Variants in PLCE1 observed in about 807,000 individuals in gnomAD.
PLCE1 encodes the protein 1-phosphatidylinositol 4,5-bisphosphate phosphodiesterase epsilon-1.
Under a neutral mutation model 242.8 loss-of-function variants are expected in PLCE1, and 119 were observed. The observed-to-expected ratio is 0.49, with a 90% CI of 0.42 to 0.57. PLCE1 has a LOEUF of 0.57. Ranked by LOEUF, PLCE1 falls within the 20% of genes least tolerant of loss-of-function variation. The probability of loss-of-function intolerance (pLI) is 0.00; values close to 1 mark genes in which losing one functional copy is unlikely to be tolerated. For missense variants in PLCE1, 2,441 were observed against 2,788.8 expected, an observed-to-expected ratio of 0.88 and a Z score of 2.81; for synonymous variants, 945 against 1,017.4, an observed-to-expected ratio of 0.93 and a Z score of 1.35.
chr10:94,270,317 T>C (rs2133123437), intron 17 of PLCE1, among the ~76,000 whole-genome samples, 169 bp from the exon 18 acceptor site: 1 of 152,338 alleles, frequency 6.6e-6, no homozygotes, highest in East Asian at 1.9e-4. Flanking sequence ...TTTAATGTCT[T>C]TCTACAAAAT....
intron 8 of PLCE1, among the ~76,000 whole-genome samples, chr10:94,250,052 T>C (rs1220278674): frequency 6.6e-6 from 1 of 151,830 alleles, no homozygotes; most frequent in Non-Finnish European, 1.5e-5. Flanking sequence ...TTAAGGAATC[T>C]ATTTTCTAAT....
At chr10:94,075,569 G>A (rs575243465) in intron 2 of PLCE1, among the ~76,000 whole-genome samples, 1 of 152,316 alleles carries the variant, frequency 6.6e-6, no homozygotes, top group South Asian at 2.1e-4. Flanking sequence ...GTGACATTGG[G>A]TGAAAGCATT....
At chr10:94,019,528 A>G (rs1187918627) in intron 1 of PLCE1, among the ~76,000 whole-genome samples, 1 of 152,180 alleles carries the variant, frequency 6.6e-6, no homozygotes, top group African/African-American at 2.4e-5. Context: ...TTGATTTTGC[A>G]TGTTTTAGAG....
intron 4 of PLCE1, among the ~76,000 whole-genome samples, chr10:94,219,639 T>C (rs1010796526): frequency 1.3e-5 from 2 of 152,114 alleles, no homozygotes; most frequent in South Asian, 2.1e-4. Context: ...GTAATCTGTA[T>C]AGATTAAGAT....
chr10:94,070,798 T>C (rs901979524), intron 2 of PLCE1, among the ~76,000 whole-genome samples: 3 of 152,194 alleles, frequency 2.0e-5, no homozygotes, highest in Non-Finnish European at 4.4e-5. Context: ...CTTCAAGCCA[T>C]GTCTCCCCAG....
chr10:94,173,650 GACGAATCA>G (rs2048047489), intron 4 of PLCE1, among the ~76,000 whole-genome samples: 1 of 152,140 alleles, frequency 6.6e-6, no homozygotes, highest in Admixed American at 6.5e-5. Context: ...GGGAATCAAA[GACGAATCA>G]GTGATTTCAC....
intron 2 of PLCE1, among the ~76,000 whole-genome samples, chr10:94,095,191 C>T (rs2045259025): frequency 6.6e-6 from 1 of 152,200 alleles, no homozygotes; most frequent in African/African-American, 2.4e-5. Flanking sequence ...CTGGGTCAGC[C>T]TCGGGACTCA....
intron 2 of PLCE1, among the ~76,000 whole-genome samples, chr10:94,038,127 T>C (rs1178893304): frequency 6.6e-6 from 1 of 152,142 alleles, no homozygotes; most frequent in Non-Finnish European, 1.5e-5. Flanking sequence ...GCCCTTTGAA[T>C]GACCTCTGAA....
chr10:94,107,663 C>T (rs1305002921), intron 2 of PLCE1: 1 of 151,742 alleles, frequency 6.6e-6, no homozygotes. Flanking sequence ...TACATTGCTG[C>T]TGGATTTCTA....
intron 1 of PLCE1, among the ~76,000 whole-genome samples, chr10:94,026,523 T>C (rs2061455576): frequency 6.6e-6 from 1 of 152,158 alleles, no homozygotes. Flanking sequence ...AGGTTATCTT[T>C]AGCCAACAGT....
chr10:94,088,975 C>T (rs1433469919), intron 2 of PLCE1: 1 of 1,111,490 alleles, frequency 9.0e-7, no homozygotes, highest in Non-Finnish European at 1.2e-6. Flanking sequence ...GCAGCCCTCC[C>T]TCGATTCTGG....
intron 3 of PLCE1, among the ~76,000 whole-genome samples, chr10:94,148,470 C>T (rs2047180524): frequency 6.6e-6 from 1 of 152,132 alleles, no homozygotes; most frequent in East Asian, 1.9e-4. Flanking sequence ...TTCTTCCATT[C>T]ACACCTGGCC....
chr10:94,302,110 T>C lies in PLCE1; in HGVS notation c.5459-2372T>C, dbSNP rs940927461. On this transcript the variant is annotated intron_variant, in intron 24 of 32. Coordinates refer to ENST00000371380, the MANE Select transcript of PLCE1 (RefSeq NM_016341.4). ...ATGATTTTTAAACTATAGCCCCAGA[T>C]GAAGTTCTGGGACCATGTCCAGGGG... 3.3e-5 allele frequency among the ~76,000 whole-genome samples: 5 copies of C among 152,202 alleles called. No homozygotes were observed. In the South Asian group the frequency reaches 6.2e-4, roughly 19 times the overall value.
chr10:94,277,378 T>G (rs2051996044), intron 19 of PLCE1, among the ~76,000 whole-genome samples: 1 of 152,148 alleles, frequency 6.6e-6, no homozygotes. Context: ...ATATCCGAGT[T>G]ACTTTTATTC....
chr10:94,256,945 G>C (rs2051122502), intron 11 of PLCE1, among the ~76,000 whole-genome samples: 1 of 152,202 alleles, frequency 6.6e-6, no homozygotes, highest in African/African-American at 2.4e-5. Flanking sequence ...GGTTCCTACA[G>C]ACAGTAGCTG....
At chr10:94,143,891 A>G (rs1164377167) in intron 3 of PLCE1, among the ~76,000 whole-genome samples, 1 of 152,254 alleles carries the variant, frequency 6.6e-6, no homozygotes, top group East Asian at 1.9e-4. Flanking sequence ...GAACAAATGT[A>G]TGCTCAAACA....
chr10:94,071,813 C>T (rs562913181), intron 2 of PLCE1, among the ~76,000 whole-genome samples: 2 of 152,092 alleles, frequency 1.3e-5, no homozygotes, highest in African/African-American at 2.4e-5. Context: ...TATTTCTTTC[C>T]CCCTCAGTGC....
chr10:94,179,521 T>TGTTTTTTGTTG (rs67919831), intron 4 of PLCE1, among the ~76,000 whole-genome samples: 2 of 84,720 alleles, frequency 2.4e-5, no homozygotes, highest in East Asian at 2.7e-4. Context: ...AGTTTTTTTT[T>TGTTTTTTGTTG]TTTTTTTTTG....
At chr10:94,005,553 G>C (rs1397823526) in intron 1 of PLCE1, among the ~76,000 whole-genome samples, 5 of 152,178 alleles carry the variant, frequency 3.3e-5, no homozygotes, top group African/African-American at 7.2e-5. Context: ...TTCCACCTCT[G>C]TGAGTGCAGT....
Sources: gnomAD v4.1 joint callset for allele counts (sites outside exome capture counted in the v4.1 genomes callset) on GRCh38, gnomAD v4.1.1 for gene constraint, MANE v1.5 for transcripts, NCBI Gene and HGNC (gene_info 2026-07-23, HGNC 2026-07-21) for gene names.